The following PTK2 variants were observed in gnomAD, a reference collection of about 807,000 sequenced individuals.
PTK2 encodes protein tyrosine kinase 2, also known as focal adhesion kinase 1.
A neutral mutation model predicts 150.1 loss-of-function variants in PTK2; 45 were observed. The observed-to-expected ratio is 0.30, with a 90% confidence interval of 0.24 to 0.38. PTK2 has a LOEUF of 0.38. Among genes scored for constraint, PTK2 ranks in the 10% least tolerant of loss-of-function variants. The probability of loss-of-function intolerance (pLI) is 1.00; values close to 1 mark genes in which losing one functional copy is unlikely to be tolerated. For synonymous variants in PTK2, 432 were observed against 449.2 expected, an observed-to-expected ratio of 0.96 and a Z score of 0.48; for missense variants, 919 against 1,307.3, an observed-to-expected ratio of 0.70 and a Z score of 4.58.
chr8:140,697,869 T>G (rs936519672), intron 26 of PTK2, among the ~76,000 whole-genome samples: 4 of 138,872 alleles, frequency 2.9e-5, no homozygotes, highest in South Asian at 4.8e-4. Context: ...TTTTTTTTTT[T>G]TTTTTTTTTT....
At chr8:140,753,802 A>G (rs890530389) in intron 16 of PTK2, among the ~76,000 whole-genome samples, 3 of 152,222 alleles carry the variant, frequency 2.0e-5, no homozygotes, top group Non-Finnish European at 4.4e-5. Context: ...TCAAGACAGC[A>G]AGTAACTTGC....
intron 22 of PTK2, 54 bp from the exon 26 acceptor site, chr8:140,717,763 A>G: frequency 7.2e-7 from 1 of 1,381,670 alleles, no homozygotes; most frequent in East Asian, 2.3e-5. Flanking sequence ...GTTAGCACAC[A>G]CTAGACCCCA....
At chr8:140,751,782 G>T in intron 17 of PTK2, 1 of 381,940 alleles carries the variant, frequency 2.6e-6, no homozygotes, top group East Asian at 7.2e-5. Context: ...GTGAGCTACC[G>T]TGCCCAGCCT....
chr8:140,770,809 G>C lies in PTK2; in HGVS notation c.1178-6519C>G, dbSNP rs780754515. ...TGGCAGTGACTGACTCCTTTATAAA[G>C]AGGCAAGAGGGGAAAGAGAAAAATA... On this transcript the variant is annotated intron_variant, in intron 14 of 31. Transcript: ENST00000522684. 8.7e-6 allele frequency: 11 copies of C among 1,269,028 alleles called. No individual in the cohort carries two copies. The highest frequency in any genetic ancestry group is 1.1e-5 in the Non-Finnish European group (11 of 972,324). 78.6% of individuals were successfully genotyped at this position (1,269,028 alleles called of 1,614,324 possible).
intron 11 of PTK2, among the ~76,000 whole-genome samples, chr8:140,802,302 C>CA (rs1200721796): frequency 6.6e-6 from 1 of 151,154 alleles, no homozygotes; most frequent in African/African-American, 2.4e-5. Context: ...TACTTTTTAA[C>CA]AAAAAAGCTG....
rs1305424662 is a variant in PTK2 at position 140,983,409 on chromosome 8, T to G, written c.-122+17716A>C. On this transcript the variant is annotated intron_variant, in intron 1 of 31. Transcript: ENST00000522684. ...AAAAAAAAAAAAAAAAAAATCTTTG[T>G]TAAGGCTTTCATCAATGATCTGAGA... 2.0e-5 allele frequency among the ~76,000 whole-genome samples: 3 copies of G among 151,704 alleles called. No homozygotes were observed. The East Asian group carries it at 5.8e-4, about 29-fold the overall frequency.
chr8:140,944,990 C>CA (rs1477346839), intron 1 of PTK2, among the ~76,000 whole-genome samples: 1 of 152,138 alleles, frequency 6.6e-6, no homozygotes, highest in Non-Finnish European at 1.5e-5. Flanking sequence ...TTACATGCCT[C>CA]AATGACATTT....
chr8:140,854,397 C>T (rs1258552951), intron 5 of PTK2, among the ~76,000 whole-genome samples: 2 of 152,186 alleles, frequency 1.3e-5, no homozygotes, highest in African/African-American at 4.8e-5. Flanking sequence ...CAGCCACCAT[C>T]ATTTGCAAAA....
At chr8:140,750,996 T>C (rs2100062313) in intron 17 of PTK2, among the ~76,000 whole-genome samples, 1 of 151,994 alleles carries the variant, frequency 6.6e-6, no homozygotes, top group Admixed American at 6.5e-5. Context: ...CCATCTGTAG[T>C]ACCAGGTATT....
chr8:140,963,485 T>A (rs2100184126), intron 1 of PTK2, among the ~76,000 whole-genome samples: 1 of 152,134 alleles, frequency 6.6e-6, no homozygotes, highest in Non-Finnish European at 1.5e-5. Flanking sequence ...TGCTCTCCAA[T>A]TCTATGGCCA....
chr8:140,715,200 T>A (rs2100039029), intron 23 of PTK2, among the ~76,000 whole-genome samples: 2 of 109,596 alleles, frequency 1.8e-5, no homozygotes, highest in Admixed American at 2.8e-4. Context: ...TTTGAGAGAG[T>A]CTCACTTTAT....
At chr8:140,831,738 G>A (rs1331421252) in intron 7 of PTK2, among the ~76,000 whole-genome samples, 2 of 152,082 alleles carry the variant, frequency 1.3e-5, no homozygotes, top group Non-Finnish European at 2.9e-5. Flanking sequence ...TTAACTACTG[G>A]TTTTACATTT....
exon 14 of PTK2, chr8:140,789,518 T>C: frequency 6.2e-7 from 1 of 1,613,346 alleles, no homozygotes; most frequent in East Asian, 2.2e-5. Context: ...CTTTTCGCTG[T>C]TGGCCAACCT....
chr8:140,730,045 C>G (rs2100048283), intron 22 of PTK2, among the ~76,000 whole-genome samples: 1 of 152,204 alleles, frequency 6.6e-6, no homozygotes, highest in Non-Finnish European at 1.5e-5. Flanking sequence ...ACTAGAAGAG[C>G]TAACTGCAGA....
intron 8 of PTK2, among the ~76,000 whole-genome samples, chr8:140,825,556 A>G (rs1394362133): frequency 1.3e-5 from 2 of 152,224 alleles, no homozygotes; most frequent in Non-Finnish European, 2.9e-5. Context: ...GCAATAAATT[A>G]AAATTTGCCT....
chr8:140,913,668 GATCT>G (rs1366911350), intron 2 of PTK2, among the ~76,000 whole-genome samples: 1 of 151,980 alleles, frequency 6.6e-6, no homozygotes, highest in Non-Finnish European at 1.5e-5. Flanking sequence ...ACCACATTAA[GATCT>G]ATCACACATT....
intron 26 of PTK2, among the ~76,000 whole-genome samples, chr8:140,690,233 T>G (rs1310684371): frequency 2.0e-5 from 3 of 152,202 alleles, no homozygotes; most frequent in Non-Finnish European, 2.9e-5. Flanking sequence ...ATTACAGGCG[T>G]GAGCCACCGC....
rs868195359 is a variant in PTK2 at position 140,859,756 on chromosome 8, G to A, written c.450+4556C>T. 6.0e-4 allele frequency among the ~76,000 whole-genome samples: 47 copies of A among 78,962 alleles called. 1 individual carries two copies. The South Asian group carries it at 0.02, about 33-fold the overall frequency. The allele number at this position is 78,962 out of a possible 152,430, so 51.8% of individuals were successfully genotyped here. On this transcript the variant is annotated intron_variant, in intron 5 of 31. Transcript: ENST00000522684. ...CTGATTTATCTGTGCCCCCCCTCCC[G>A]CCCACCCCCGACATGTGTGTTTAAA... is the stretch of plus-strand genomic sequence containing the variant.
chr8:140,836,461 C>A (rs986428682), intron 7 of PTK2, among the ~76,000 whole-genome samples: 1 of 152,158 alleles, frequency 6.6e-6, no homozygotes, highest in Non-Finnish European at 1.5e-5. Context: ...ATTAAAGTAA[C>A]CTGTAGCCCC....
Sources: gnomAD v4.1 joint callset for allele counts (sites outside exome capture counted in the v4.1 genomes callset) on GRCh38, gnomAD v4.1.1 for gene constraint, MANE v1.5 for transcripts, NCBI Gene and HGNC (gene_info 2026-07-23, HGNC 2026-07-21) for gene names.